DAB1: variants seen among roughly 807,000 people sequenced by gnomAD.
DAB1 encodes the protein disabled homolog 1.
In DAB1, 15 loss-of-function variants were observed where a neutral mutation model predicts 64.6. The ratio of observed to expected loss-of-function variants is 0.23; its 90% confidence interval spans 0.16 to 0.36. The LOEUF (loss-of-function observed/expected upper bound fraction) is 0.36. DAB1 is among the 10% of genes least tolerant of loss of function. The pLI is 1.00. For synonymous variants in DAB1, 235 were observed against 251.9 expected (o/e 0.93, Z 0.64); for missense variants, 596 against 706.7 (o/e 0.84, Z 1.78).
At chr1:58,176,222 C>T (rs1656466916) in intron 4 of DAB1, among the ~76,000 whole-genome samples, 1 of 152,130 alleles carries the variant, frequency 6.6e-6, no homozygotes, top group Admixed American at 6.6e-5. Flanking sequence ...GTGAAGAAAA[C>T]CTAGCTCACT....
At chr1:57,667,698 A>G (rs1646464495) in intron 6 of DAB1, among the ~76,000 whole-genome samples, 1 of 152,110 alleles carries the variant, frequency 6.6e-6, no homozygotes, top group East Asian at 1.9e-4. Context: ...ATATAGCCAT[A>G]AAAAAGAATG....
intron 5 of DAB1, among the ~76,000 whole-genome samples, chr1:57,957,924 A>G (rs370196660): frequency 4.0e-4 from 61 of 152,340 alleles, no homozygotes; most frequent in African/African-American, 1.4e-3. Flanking sequence ...AGTTGAATAC[A>G]AAGTATGAAA....
intron 5 of DAB1, among the ~76,000 whole-genome samples, chr1:58,017,600 C>T (rs1032139599): frequency 1.3e-5 from 2 of 152,312 alleles, no homozygotes; most frequent in East Asian, 1.9e-4. Context: ...ATTCTGCTGC[C>T]ACCTTGGGCA....
At chr1:58,218,475 T>G (rs1658974377) in intron 4 of DAB1, among the ~76,000 whole-genome samples, 1 of 152,156 alleles carries the variant, frequency 6.6e-6, no homozygotes, top group African/African-American at 2.4e-5. Flanking sequence ...TTTTGCTTCC[T>G]GAAGGTAAAA....
rs554553325 is a variant in DAB1, at chr1:57,569,977, T to C, written n.625+79615A>G. ...ATTATGTATGATCTCAGGAGATGTG[T>C]ATGGGTTCAAGTTGACAAGGGGTGG... On this transcript the variant is annotated intron_variant and non_coding_transcript_variant, in intron 7 of 20. Transcript: ENST00000485760. Among the ~76,000 whole-genome samples, 48 of 152,248 alleles carry C rather than the reference T, an allele frequency of 3.2e-4. No homozygotes were observed. In the South Asian group the frequency reaches 3.7e-3, roughly 12 times the overall value.
intron 2 of DAB1, among the ~76,000 whole-genome samples, chr1:58,514,731 T>TA (rs1646133660): frequency 6.6e-6 from 1 of 152,136 alleles, no homozygotes; most frequent in African/African-American, 2.4e-5. Context: ...TTATAAGATG[T>TA]AAAGGGACCA....
At chr1:57,950,407 T>C (rs1645254631) in intron 5 of DAB1, among the ~76,000 whole-genome samples, 1 of 152,168 alleles carries the variant, frequency 6.6e-6, no homozygotes, top group Admixed American at 6.5e-5. Flanking sequence ...TATTTCATCA[T>C]TTCTCATCTT....
intron 5 of DAB1, among the ~76,000 whole-genome samples, chr1:57,962,036 G>A (rs1166898181): frequency 1.3e-5 from 2 of 151,816 alleles, no homozygotes; most frequent in Non-Finnish European, 2.9e-5. Flanking sequence ...TAAATTAAGA[G>A]AGTGGCGATC....
intron 4 of DAB1, among the ~76,000 whole-genome samples, chr1:58,235,210 A>G (rs942576634): frequency 2.0e-5 from 3 of 152,234 alleles, no homozygotes; most frequent in African/African-American, 7.2e-5. Context: ...TTTAATGCCC[A>G]CAGGCATCCT....
In DAB1 at chr1:57,271,515, C is replaced by T. The variant is rs114095506; in HGVS notation, c.67+19449G>A. ...TGAACACCGACTTTGCGACAGGCAT[C>T]GGGTTCCAGGTTGGGAAGCACAGCT... On this transcript the variant is annotated intron_variant, in intron 2 of 14. Transcript: ENST00000371236. Among the ~76,000 whole-genome samples the T allele has an allele frequency of 8.9e-3, 1,356 of 152,292 alleles. 18 individuals are homozygous for T. Among genetic ancestry groups the T allele is most frequent in the African/African-American group, 0.03 (1,255 of 41,558 alleles).
At chr1:58,217,292 C>G (rs1039835824) in intron 4 of DAB1, among the ~76,000 whole-genome samples, 5 of 152,112 alleles carry the variant, frequency 3.3e-5, no homozygotes, top group African/African-American at 7.2e-5. Context: ...CAGGTGAGTA[C>G]GCAAGGGCCC....
At chr1:57,683,901 C>T (rs3131757) in intron 6 of DAB1, among the ~76,000 whole-genome samples, 108,762 of 152,000 alleles carry the variant, frequency 0.72, 39,483 homozygotes, top group East Asian at 0.93. Context: ...AAGACAAAAT[C>T]GCCAGTTTAG....
chr1:58,006,785 C>T (rs1359093739), intron 5 of DAB1, among the ~76,000 whole-genome samples: 5 of 152,144 alleles, frequency 3.3e-5, no homozygotes, highest in African/African-American at 4.8e-5. Flanking sequence ...CTCTGCCTCC[C>T]GTCCCTCAGG....
At chr1:58,019,529 T>C (rs1475190893) in intron 5 of DAB1, among the ~76,000 whole-genome samples, 1 of 152,202 alleles carries the variant, frequency 6.6e-6, no homozygotes, top group Non-Finnish European at 1.5e-5. Context: ...AGCTAGACAC[T>C]ATCCTAGAGA....
chr1:57,294,131 G>A (rs1017882508), intron 1 of DAB1, among the ~76,000 whole-genome samples: 6 of 152,154 alleles, frequency 3.9e-5, no homozygotes, highest in Non-Finnish European at 8.8e-5. Flanking sequence ...TGTAATTAAG[G>A]AGATTAAAGT....
At chr1:57,540,501 G>T (rs1235188822) in intron 7 of DAB1, among the ~76,000 whole-genome samples, 2 of 152,150 alleles carry the variant, frequency 1.3e-5, no homozygotes, top group Non-Finnish European at 2.9e-5. Context: ...CACTCCTGTG[G>T]TTATTGCAGC....
At chr1:58,073,744 GTC>G (rs1215372933) in intron 5 of DAB1, among the ~76,000 whole-genome samples, 2 of 152,142 alleles carry the variant, frequency 1.3e-5, no homozygotes, top group Non-Finnish European at 2.9e-5. Context: ...AAGTCAATGT[GTC>G]TCTGTGATTT....
At chr1:57,097,763 ATTATTTATTTATTTAT>A (rs146708228) in intron 4 of DAB1, among the ~76,000 whole-genome samples, 1 of 149,306 alleles carries the variant, frequency 6.7e-6, no homozygotes, top group East Asian at 2.0e-4. Context: ...TATTTTTATT[ATTATTTATTTATTTAT>A]TTATTTATTT....
At chr1:58,327,815 C>T (rs543533521) in intron 4 of DAB1, among the ~76,000 whole-genome samples, 41 of 152,202 alleles carry the variant, frequency 2.7e-4, no homozygotes, top group African/African-American at 8.4e-4. Context: ...AAAAATTAGC[C>T]GGGCATGGTC....
Sources: gnomAD v4.1 joint callset for allele counts (sites outside exome capture counted in the v4.1 genomes callset) on GRCh38, gnomAD v4.1.1 for gene constraint, MANE v1.5 for transcripts, NCBI Gene and HGNC (gene_info 2026-07-23, HGNC 2026-07-21) for gene names.